Variants in KCNIP1 observed in about 807,000 individuals in gnomAD.
KCNIP1 encodes A-type potassium channel modulatory protein KCNIP1.
Under a neutral mutation model 33.0 loss-of-function variants are expected in KCNIP1, and 18 were observed. The ratio of observed to expected loss-of-function variants is 0.55; its 90% CI spans 0.38 to 0.81. The LOEUF is 0.81. Among genes scored for constraint, KCNIP1 ranks in the 30% least tolerant of loss-of-function variants. The pLI is 0.00. For missense variants in KCNIP1, 238 were observed against 271.6 expected (o/e 0.88, Z 0.87); for synonymous variants, 93 against 98.3 (o/e 0.95, Z 0.32).
intron 1 of KCNIP1, among the ~76,000 whole-genome samples, chr5:170,636,795 A>G (rs1033984732): frequency 2.6e-5 from 4 of 152,198 alleles, no homozygotes; most frequent in Admixed American, 1.3e-4. Flanking sequence ...AATATCTCCT[A>G]CATACGAAGT....
chr5:170,459,780 A>G (rs903565720), intron 1 of KCNIP1, among the ~76,000 whole-genome samples: 4 of 152,232 alleles, frequency 2.6e-5, no homozygotes, highest in Non-Finnish European at 5.9e-5. Context: ...CACCTCAAGG[A>G]ACTAGAGAAA....
At chr5:170,500,988 C>T (rs958204276), upstream of KCNIP1, among the ~76,000 whole-genome samples, 1 of 152,192 alleles carries the variant, frequency 6.6e-6, no homozygotes, top group Non-Finnish European at 1.5e-5. Context: ...AAGAGACTCA[C>T]TCATTCATTT....
At chr5:170,470,837 T>C (rs954983163) in intron 1 of KCNIP1, among the ~76,000 whole-genome samples, 1 of 152,208 alleles carries the variant, frequency 6.6e-6, no homozygotes, top group Admixed American at 6.5e-5. Flanking sequence ...GCATGATCTC[T>C]TCCAGGTCCC....
chr5:170,565,685 G>A (rs937451644), intron 1 of KCNIP1, among the ~76,000 whole-genome samples: 2 of 152,190 alleles, frequency 1.3e-5, no homozygotes, highest in African/African-American at 4.8e-5. Flanking sequence ...CAAGGCATGT[G>A]TTTTAAGTAG....
intron 1 of KCNIP1, among the ~76,000 whole-genome samples, chr5:170,445,394 G>T (rs976038989): frequency 6.6e-6 from 1 of 152,228 alleles, no homozygotes; most frequent in Non-Finnish European, 1.5e-5. Context: ...GCCAAGAGAA[G>T]ACTTGGACAG....
At chr5:170,463,545 A>G (rs1445935981) in intron 1 of KCNIP1, among the ~76,000 whole-genome samples, 2 of 152,192 alleles carry the variant, frequency 1.3e-5, no homozygotes, top group East Asian at 3.8e-4. Context: ...TATAATACAT[A>G]ATTCAATAGA....
chr5:170,417,177 A>G (rs1009420413), intron 1 of KCNIP1, among the ~76,000 whole-genome samples: 36 of 152,256 alleles, frequency 2.4e-4, no homozygotes, highest in Admixed American at 5.9e-4. Context: ...GTACCAACAT[A>G]AAAAGACATC....
intron 1 of KCNIP1, among the ~76,000 whole-genome samples, chr5:170,424,091 G>A (rs997085573): frequency 6.6e-6 from 1 of 152,200 alleles, no homozygotes. Flanking sequence ...CATCACTGCC[G>A]TCAAAGCAGC....
intron 1 of KCNIP1, among the ~76,000 whole-genome samples, chr5:170,458,347 A>G (rs971836781): frequency 1.1e-4 from 16 of 152,216 alleles, no homozygotes; most frequent in Admixed American, 2.6e-4. Context: ...GGCTCAAAGA[A>G]CACCTGGGAA....
chr5:170,645,143 A>G (rs1184662019), intron 1 of KCNIP1, among the ~76,000 whole-genome samples: 2 of 152,174 alleles, frequency 1.3e-5, no homozygotes, highest in African/African-American at 4.8e-5. Flanking sequence ...AGGTTACTTA[A>G]CAAAGAGACT....
intron 1 of KCNIP1, among the ~76,000 whole-genome samples, chr5:170,437,088 G>A (rs1173977221): frequency 3.3e-5 from 5 of 152,148 alleles, no homozygotes; most frequent in South Asian, 2.1e-4. Context: ...AAGTATAATC[G>A]GAAAATGGGG....
At position 170,721,296 on chromosome 5, in the gene KCNIP1, T is replaced by C. The variant is rs567501897; in HGVS notation, c.257-537T>C. ...AGTTTGCTGAGTTCCACTGAGCCAC[T>C]GTTTATTGAGTTCTCACTGTATGCC... On this transcript the variant is annotated intron_variant, in intron 3 of 7. Transcript: ENST00000328939. Among the ~76,000 whole-genome samples the C allele has an allele frequency of 1.1e-4, 16 of 152,308 alleles. No individual in the cohort carries two copies. In the East Asian group the frequency reaches 2.7e-3, roughly 26 times the overall value.
intron 1 of KCNIP1, among the ~76,000 whole-genome samples, chr5:170,685,207 G>T (rs934154805): frequency 6.6e-6 from 1 of 151,808 alleles, no homozygotes; most frequent in Non-Finnish European, 1.5e-5. Flanking sequence ...CCTCCAATGA[G>T]CAGAACACAT....
At chr5:170,436,785 C>A (rs1293563608) in intron 1 of KCNIP1, among the ~76,000 whole-genome samples, 1 of 152,174 alleles carries the variant, frequency 6.6e-6, no homozygotes, top group Non-Finnish European at 1.5e-5. Context: ...CTAATACATG[C>A]CCAGCTGTTT....
chr5:170,467,507 G>A (rs1387172298), intron 1 of KCNIP1, among the ~76,000 whole-genome samples: 4 of 152,160 alleles, frequency 2.6e-5, no homozygotes, highest in Non-Finnish European at 5.9e-5. Flanking sequence ...GGCTGGTGCA[G>A]GGGCAGGGAG....
At chr5:170,606,264 G>T (rs192044979) in intron 1 of KCNIP1, among the ~76,000 whole-genome samples, 1 of 152,274 alleles carries the variant, frequency 6.6e-6, no homozygotes, top group Admixed American at 6.5e-5. Flanking sequence ...ATATACCCAG[G>T]AGTGGAATCG....
At chr5:170,454,427 A>T (rs552473450) in intron 1 of KCNIP1, among the ~76,000 whole-genome samples, 4 of 152,346 alleles carry the variant, frequency 2.6e-5, no homozygotes, top group African/African-American at 9.6e-5. Context: ...GAGTGTACCT[A>T]AACCTGAAAC....
chr5:170,696,040 T>A (rs1332888620), intron 1 of KCNIP1, among the ~76,000 whole-genome samples: 1 of 144,188 alleles, frequency 6.9e-6, no homozygotes, highest in Non-Finnish European at 1.5e-5. Flanking sequence ...AAAGCCAGGC[T>A]TTTTCTCATC....
At chr5:170,702,065 T>C in intron 1 of KCNIP1, among the ~76,000 whole-genome samples, 1 of 152,132 alleles carries the variant, frequency 6.6e-6, no homozygotes, top group East Asian at 1.9e-4. Flanking sequence ...GAAATAAAAA[T>C]TAAAAATAAA....
Sources: gnomAD v4.1 joint callset for allele counts (sites outside exome capture counted in the v4.1 genomes callset) on GRCh38, gnomAD v4.1.1 for gene constraint, MANE v1.5 for transcripts, NCBI Gene and HGNC (gene_info 2026-07-23, HGNC 2026-07-21) for gene names.